The following GPHN variants were observed in gnomAD, a reference collection of about 807,000 sequenced individuals.
The protein encoded by GPHN is gephyrin.
In GPHN, 17 loss-of-function variants were observed where a neutral mutation model predicts 95.5. That is an observed-to-expected ratio of 0.18 (90% CI 0.12 to 0.27). The LOEUF (loss-of-function observed/expected upper bound fraction) is 0.27, where lower values mean the gene tolerates loss of function less well. Among genes scored for constraint, GPHN ranks in the 10% least tolerant of loss-of-function variants. GPHN has a pLI of 1.00. For missense variants in GPHN, 660 were observed against 978.1 expected, an observed-to-expected ratio of 0.67 and a Z score of 4.34; for synonymous variants, 320 against 322.5, an observed-to-expected ratio of 0.99 and a Z score of 0.08.
At chr14:67,544,577 G>T in the GPHN span, among the ~76,000 whole-genome samples, 8 of 152,294 alleles carry the variant, frequency 5.3e-5, no homozygotes, top group African/African-American at 1.9e-4. Context: ...GGAACTGTTG[G>T]CAAGAGACTA....
At chr14:66,734,147 C>A (rs191884387) in intron 2 of GPHN, among the ~76,000 whole-genome samples, 2 of 152,052 alleles carry the variant, frequency 1.3e-5, no homozygotes, top group Non-Finnish European at 2.9e-5. Flanking sequence ...CCAGAGAAAC[C>A]TTTTATTAAC....
the GPHN span, chr14:67,617,207 T>C: frequency 2.0e-5 from 3 of 152,178 alleles, no homozygotes; most frequent in African/African-American, 7.2e-5. Flanking sequence ...GACAGGGTCT[T>C]GCTCTGTCAC....
At chr14:67,473,884 A>T in the GPHN span, 1 of 1,610,652 alleles carries the variant, frequency 6.2e-7, no homozygotes, top group Non-Finnish European at 8.5e-7. The surrounding 1 kb of genome is among the most constrained non-coding windows in gnomAD (Gnocchi z 6.5). Flanking sequence ...GCATACAGGT[A>T]CCAGCGGGAC....
At chr14:67,560,727 CTT>C in the GPHN span, among the ~76,000 whole-genome samples, 87 of 126,408 alleles carry the variant, frequency 6.9e-4, no homozygotes, top group African/African-American at 1.5e-3. Context: ...GAACATATAT[CTT>C]TTTTTTTTTT....
intron 8 of GPHN, among the ~76,000 whole-genome samples, chr14:66,944,593 A>T (rs2067630557): frequency 6.6e-6 from 1 of 152,252 alleles, no homozygotes; most frequent in Admixed American, 6.5e-5. Flanking sequence ...CAAAAGGAAA[A>T]AAAGAAAAAC....
chr14:67,346,772 A>G, the GPHN span, among the ~76,000 whole-genome samples: 1 of 152,242 alleles, frequency 6.6e-6, no homozygotes, highest in African/African-American at 2.4e-5. Context: ...AGTGTCTAAG[A>G]TCTTATTTGA....
At chr14:67,046,351 T>G (rs2153639281) in intron 10 of GPHN, among the ~76,000 whole-genome samples, 1 of 152,226 alleles carries the variant, frequency 6.6e-6, no homozygotes, top group African/African-American at 2.4e-5. Flanking sequence ...AGAGAAAAAT[T>G]ACTCTAGGCA....
intron 3 of GPHN, among the ~76,000 whole-genome samples, chr14:66,802,356 C>T (rs2060387122): frequency 1.3e-5 from 2 of 152,150 alleles, no homozygotes; most frequent in Admixed American, 1.3e-4. Context: ...ACTCACCCTT[C>T]AGGGGAGTGG....
chr14:67,221,947 C>G, the GPHN span: 2 of 1,049,226 alleles, frequency 1.9e-6, no homozygotes, highest in Non-Finnish European at 2.7e-6. Flanking sequence ...TCACTATGCT[C>G]CATTCTGAGA....
chr14:67,318,831 G>A, the GPHN span, among the ~76,000 whole-genome samples: 1 of 152,106 alleles, frequency 6.6e-6, no homozygotes, highest in African/African-American at 2.4e-5. Context: ...GCCGAGGCAG[G>A]CGGATCACGA....
rs533037724 is a variant in GPHN at position 67,050,674 on chromosome 14, CAAG to C, written c.1007-7974_1007-7972del. ...ATTTCCAAACAACAAGAAAAAAAAACAAGGAGGGGCCAAGATGACCAACTAAAA... is the reference window on the plus strand; with the variant it reads ...ATTTCCAAACAACAAGAAAAAAAAACGAGGGGCCAAGATGACCAACTAAAA... On this transcript the variant is annotated intron_variant, in intron 10 of 22. Coordinates refer to ENST00000478722, the MANE Select transcript of GPHN (RefSeq NM_020806.5). Among the ~76,000 whole-genome samples, 43 of 151,906 alleles carry C rather than the reference CAAG, an allele frequency of 2.8e-4. No homozygotes were observed. The South Asian group carries it at 7.9e-3, about 28-fold the overall frequency.
the GPHN span, chr14:67,587,345 G>A: frequency 8.1e-7 from 1 of 1,241,614 alleles, no homozygotes; most frequent in Non-Finnish European, 1.2e-6. Context: ...GGCTACTCTT[G>A]TTCTGTGAAA....
intron 3 of GPHN, 25 bp downstream of exon 3, chr14:66,776,546 T>C (rs1345177567): frequency 7.4e-7 from 1 of 1,343,316 alleles, no homozygotes; most frequent in Non-Finnish European, 1.1e-6. Context: ...TTTTCACCTC[T>C]ACAAACATTT....
chr14:66,946,603 A>G (rs2067770031), intron 8 of GPHN, among the ~76,000 whole-genome samples: 1 of 152,010 alleles, frequency 6.6e-6, no homozygotes, highest in African/African-American at 2.4e-5. Flanking sequence ...ACGGGGTTTC[A>G]TATGTTGGCC....
At chr14:67,465,612 T>A in the GPHN span, among the ~76,000 whole-genome samples, 2 of 152,292 alleles carry the variant, frequency 1.3e-5, no homozygotes, top group East Asian at 3.9e-4. Context: ...CAGCTTTCAC[T>A]CCTCATGGAA....
the GPHN span, among the ~76,000 whole-genome samples, chr14:67,499,764 G>T: frequency 1.3e-5 from 2 of 152,082 alleles, no homozygotes; most frequent in Non-Finnish European, 2.9e-5. Context: ...CTCTGAGAAG[G>T]GCTGGTTATT....
At chr14:67,659,965 C>A in the GPHN span, 1 of 1,578,880 alleles carries the variant, frequency 6.3e-7, no homozygotes, top group South Asian at 1.2e-5. Context: ...TGGTTCTTCC[C>A]TCACTCATTT....
chr14:66,818,575 G>T (rs576141332), intron 3 of GPHN, among the ~76,000 whole-genome samples: 1 of 152,194 alleles, frequency 6.6e-6, no homozygotes, highest in East Asian at 1.9e-4. Flanking sequence ...ATGTGCATGT[G>T]TCTTTATAAT....
intron 1 of GPHN, among the ~76,000 whole-genome samples, chr14:66,562,946 G>A (rs556846875): frequency 1.1e-4 from 16 of 151,998 alleles, no homozygotes; most frequent in Admixed American, 5.3e-4. Flanking sequence ...ATCCTTATGC[G>A]AAAGTGGCGT....
Sources: gnomAD v4.1 joint callset for allele counts (sites outside exome capture counted in the v4.1 genomes callset) on GRCh38, gnomAD v4.1.1 for gene constraint, Gnocchi (gnomAD v3.1) non-coding constraint, MANE v1.5 for transcripts, NCBI Gene and HGNC (gene_info 2026-07-23, HGNC 2026-07-21) for gene names.